Variants in SCHIP1 observed in about 807,000 individuals in gnomAD.
The protein encoded by SCHIP1 is schwannomin interacting protein 1.
SCHIP1 carries 8 observed loss-of-function variants against 29.7 expected under a neutral mutation model. The ratio of observed to expected loss-of-function variants is 0.27; its 90% CI spans 0.16 to 0.49. The LOEUF (loss-of-function observed/expected upper bound fraction) is 0.49. SCHIP1 is among the 20% of genes least tolerant of loss of function. The pLI, the probability that SCHIP1 is intolerant of heterozygous loss-of-function variation, is 0.99. For synonymous variants in SCHIP1, 76 were observed against 94.9 expected, an observed-to-expected ratio of 0.80 and a Z score of 1.16; for missense variants, 193 against 294.6, an observed-to-expected ratio of 0.66 and a Z score of 2.52.
the SCHIP1 span, among the ~76,000 whole-genome samples, chr3:159,420,714 G>A: frequency 2.0e-5 from 3 of 152,148 alleles, no homozygotes; most frequent in Non-Finnish European, 4.4e-5. Flanking sequence ...CAGAAATGGA[G>A]AGCATTATTT....
At chr3:159,370,229 C>T in the SCHIP1 span, among the ~76,000 whole-genome samples, 4 of 152,318 alleles carry the variant, frequency 2.6e-5, no homozygotes, top group East Asian at 7.7e-4. Context: ...CTCCTCCTCT[C>T]ATCTCCCCGA....
chr3:159,374,399 A>G, the SCHIP1 span, among the ~76,000 whole-genome samples: 2 of 152,172 alleles, frequency 1.3e-5, no homozygotes, highest in South Asian at 4.1e-4. Context: ...TGAGCAAATT[A>G]GAGTCAAAGA....
the SCHIP1 span, among the ~76,000 whole-genome samples, chr3:159,555,409 G>C: frequency 2.0e-5 from 3 of 152,142 alleles, no homozygotes; most frequent in Admixed American, 6.5e-5. Flanking sequence ...TGTTACACAG[G>C]GTTCAGAGCT....
At position 159,861,717 on chromosome 3, in the gene SCHIP1, G is replaced by T. The variant is rs1163700726; in HGVS notation, c.31-4446G>T. ...TGTTCCTCAGTTGCCCTTTGTTTTT[G>T]CTAGCAATACTAATTTTAGATGTTG... is the stretch of plus-strand genomic sequence containing the variant. On this transcript the variant is annotated intron_variant, in intron 1 of 6. Coordinates refer to ENST00000445224, the Ensembl canonical transcript of SCHIP1. This position sits in a 1 kb window ranked among gnomAD's most constrained non-coding sequence, Gnocchi z 4.1. Among the ~76,000 whole-genome samples the T allele has an allele frequency of 6.6e-6, 1 of 152,112 alleles. No individual in the cohort carries two copies. The highest frequency in any genetic ancestry group is 2.4e-5 in the African/African-American group (1 of 41,416).
chr3:159,438,649 AC>A, the SCHIP1 span, among the ~76,000 whole-genome samples: 2 of 151,690 alleles, frequency 1.3e-5, no homozygotes, highest in Non-Finnish European at 2.9e-5. Context: ...TCTACCTCCC[AC>A]CCTTTGACAT....
upstream of SCHIP1, chr3:159,839,790 C>A: frequency 2.3e-6 from 2 of 857,306 alleles, no homozygotes; most frequent in Non-Finnish European, 3.1e-6. Context: ...TTAATGAGGA[C>A]TAGAATGTTT....
the SCHIP1 span, among the ~76,000 whole-genome samples, chr3:159,704,744 C>T: frequency 6.6e-6 from 1 of 152,026 alleles, no homozygotes; most frequent in Non-Finnish European, 1.5e-5. Context: ...GTTATTGAGG[C>T]CAAAAGAATT....
intron 6 of SCHIP1, chr3:159,892,639 A>G (rs1560099704): frequency 5.1e-6 from 1 of 196,330 alleles, no homozygotes; most frequent in Non-Finnish European, 1.0e-5. Flanking sequence ...GCATCTCTCT[A>G]CAGCCACAGT....
the SCHIP1 span, among the ~76,000 whole-genome samples, chr3:159,621,642 G>A: frequency 6.6e-6 from 1 of 150,938 alleles, no homozygotes. Context: ...TGTGTGTGTG[G>A]TTTTTTTGTT....
chr3:159,608,879 T>A, the SCHIP1 span, among the ~76,000 whole-genome samples: 1 of 152,328 alleles, frequency 6.6e-6, no homozygotes, highest in South Asian at 2.1e-4. Flanking sequence ...TTTCTTCTGC[T>A]TCCAGGCACT....
chr3:159,870,279 T>C (rs1472589121), intron 2 of SCHIP1, among the ~76,000 whole-genome samples: 1 of 152,032 alleles, frequency 6.6e-6, no homozygotes, highest in African/African-American at 2.4e-5. Context: ...ATAGTAGTAG[T>C]TGGAATCCTT....
chr3:159,511,507 T>A, the SCHIP1 span, among the ~76,000 whole-genome samples: 2 of 152,182 alleles, frequency 1.3e-5, no homozygotes, highest in African/African-American at 4.8e-5. Flanking sequence ...CCCAGTGAGA[T>A]GAACTCGGTA....
At chr3:159,838,045 T>C (rs1577402869), upstream of SCHIP1, among the ~76,000 whole-genome samples, 1 of 152,242 alleles carries the variant, frequency 6.6e-6, no homozygotes, top group African/African-American at 2.4e-5. Context: ...AGAGTACTTT[T>C]CCTTTGAACC....
At chr3:159,460,687 T>C in the SCHIP1 span, among the ~76,000 whole-genome samples, 1 of 152,150 alleles carries the variant, frequency 6.6e-6, no homozygotes, top group Admixed American at 6.6e-5. Context: ...TGCCTGGAAC[T>C]GTATCTATTT....
chr3:159,327,217 T>A, the SCHIP1 span, among the ~76,000 whole-genome samples: 1 of 152,162 alleles, frequency 6.6e-6, no homozygotes, highest in Non-Finnish European at 1.5e-5. Context: ...CAACCAGGAT[T>A]GCATTGCCAG....
the SCHIP1 span, among the ~76,000 whole-genome samples, chr3:159,824,159 C>G: frequency 6.6e-6 from 1 of 152,140 alleles, no homozygotes; most frequent in Non-Finnish European, 1.5e-5. Flanking sequence ...TTGTCATTAA[C>G]CCTCATATTA....
the SCHIP1 span, among the ~76,000 whole-genome samples, chr3:159,485,356 C>G: frequency 6.6e-6 from 1 of 152,254 alleles, no homozygotes; most frequent in South Asian, 2.1e-4. Flanking sequence ...GAATAACACA[C>G]ATAGTACCAG....
the SCHIP1 span, among the ~76,000 whole-genome samples, chr3:159,317,625 C>T: frequency 6.6e-6 from 1 of 152,184 alleles, no homozygotes; most frequent in East Asian, 1.9e-4. Context: ...TTCAAAAGGC[C>T]ATTCTACTGT....
the SCHIP1 span, among the ~76,000 whole-genome samples, chr3:159,382,947 T>C: frequency 2.7e-5 from 4 of 150,596 alleles, no homozygotes; most frequent in Non-Finnish European, 4.5e-5. Flanking sequence ...CACTTTTTGA[T>C]GGGGTTGTTT....
Sources: gnomAD v4.1 joint callset for allele counts (sites outside exome capture counted in the v4.1 genomes callset) on GRCh38, gnomAD v4.1.1 for gene constraint, Gnocchi (gnomAD v3.1) non-coding constraint, MANE v1.5 for transcripts, NCBI Gene and HGNC (gene_info 2026-07-23, HGNC 2026-07-21) for gene names.